The following AAGAB variants were observed in gnomAD, a reference collection of about 807,000 sequenced individuals.
AAGAB encodes alpha and gamma adaptin binding protein, also known as alpha- and gamma-adaptin-binding protein p34.
Under a neutral mutation model 44.1 loss-of-function variants are expected in AAGAB, and 38 were observed. The ratio of observed to expected loss-of-function variants is 0.86; its 90% CI spans 0.67 to 1.13. The LOEUF is 1.13. Ranked by LOEUF, AAGAB falls within the 50% of genes most tolerant of loss-of-function variation. The pLI, the probability that AAGAB is intolerant of heterozygous loss-of-function variation, is 0.00. For missense variants in AAGAB, 450 were observed against 373.8 expected (o/e 1.20, Z -1.68); for synonymous variants, 131 against 131.8 (o/e 0.99, Z 0.04).
intron 1 of AAGAB, among the ~76,000 whole-genome samples, chr15:67,249,277 A>G (rs1169536990): frequency 3.9e-5 from 6 of 152,246 alleles, no homozygotes; most frequent in African/African-American, 1.4e-4. Flanking sequence ...TCAGGTGATC[A>G]GCCCCCCTCG....
intron 1 of AAGAB, chr15:67,254,319 G>T (rs1369795291): frequency 1.7e-6 from 2 of 1,151,752 alleles, no homozygotes; most frequent in East Asian, 5.6e-5. Context: ...GAGCAGAGCG[G>T]GAAATCAGTC....
chr15:67,229,391 C>T (rs1418713168), intron 5 of AAGAB, among the ~76,000 whole-genome samples: 4 of 150,532 alleles, frequency 2.7e-5, no homozygotes, highest in Non-Finnish European at 4.4e-5. Context: ...CAAGATCGTG[C>T]CACTGCACTC....
intron 9 of AAGAB, among the ~76,000 whole-genome samples, chr15:67,203,103 A>G (rs930097110): frequency 6.6e-6 from 1 of 152,244 alleles, no homozygotes; most frequent in African/African-American, 2.4e-5. Flanking sequence ...AGAGTTGTAT[A>G]CAAAGATGAT....
chr15:67,210,430 C>T (rs1011606555), intron 5 of AAGAB, among the ~76,000 whole-genome samples: 2 of 151,502 alleles, frequency 1.3e-5, no homozygotes, highest in African/African-American at 2.4e-5. Flanking sequence ...GCAGGAGAAT[C>T]GCTTGAACCC....
chr15:67,238,448 T>C (rs761319572), intron 1 of AAGAB, among the ~76,000 whole-genome samples: 5 of 152,200 alleles, frequency 3.3e-5, no homozygotes, highest in Non-Finnish European at 5.9e-5. Flanking sequence ...GTTGTTTTCA[T>C]GTAAATGTCT....
chr15:67,254,618 A>T lies in AAGAB; in HGVS notation c.14T>A (p.Val5Glu). ...GCAGCTGGTGACTAACGCACAGGGT[A>T]CGCCAGCAGCCATAGCTGCGCTCGC... MAAG[V>E]PCALVTSCSS... The change falls in exon 1 of 10, where the codon GTA becomes GAA. Residue 5 changes from valine (V) to glutamate (E), a missense_variant. Physicochemically the swap from Val to Glu is moderately radical, Grantham distance 121 (BLOSUM62 -2). Transcript: ENST00000261880. The T allele has an allele frequency of 6.2e-7, 1 of 1,604,610 alleles. No individual in the cohort carries two copies. The highest frequency in any genetic ancestry group is 8.5e-7 in the Non-Finnish European group (1 of 1,177,614).
At chr15:67,222,242 G>GCGCGCGCGCA (rs1367738219) in intron 5 of AAGAB, among the ~76,000 whole-genome samples, 20 of 90,128 alleles carry the variant, frequency 2.2e-4, no homozygotes, top group African/African-American at 7.1e-4. Flanking sequence ...GCGCGCGCGC[G>GCGCGCGCGCA]CACACACACA....
rs1399396984 is a variant in AAGAB, at chr15:67,208,556, A to C, written c.715+6T>G. 6.2e-7 allele frequency: 1 copy of C among 1,612,992 alleles called. No individual in the cohort carries two copies. The highest frequency in any genetic ancestry group is 1.3e-5 in the African/African-American group (1 of 75,004). On this transcript the variant is annotated splice_donor_region_variant and intron_variant, in intron 7 of 9. Coordinates refer to ENST00000261880, the MANE Select transcript of AAGAB (RefSeq NM_024666.5). The stretch of plus-strand genomic sequence containing the variant: ...CTCTCTCTTGGCAGCCAAAGGAGGA[A>C]CTTACCCACAATGCTATCAACCTGG...
intron 5 of AAGAB, among the ~76,000 whole-genome samples, chr15:67,222,006 A>C (rs540765306): frequency 6.6e-6 from 1 of 151,978 alleles, no homozygotes; most frequent in African/African-American, 2.4e-5. Context: ...CTCAGTTCCT[A>C]TAGTACCTTA....
At chr15:67,218,079 T>C (rs997867547) in intron 5 of AAGAB, among the ~76,000 whole-genome samples, 34 of 152,210 alleles carry the variant, frequency 2.2e-4, no homozygotes, top group African/African-American at 7.5e-4. Flanking sequence ...CTATAATAGA[T>C]AGATTGAAAA....
intron 7 of AAGAB, among the ~76,000 whole-genome samples, chr15:67,205,067 C>T (rs574814827): frequency 8.5e-5 from 13 of 152,204 alleles, no homozygotes; most frequent in Non-Finnish European, 1.8e-4. Flanking sequence ...AGATTTATCA[C>T]CGTTATTTTA....
intron 5 of AAGAB, among the ~76,000 whole-genome samples, chr15:67,212,123 C>T (rs918812357): frequency 1.3e-5 from 2 of 152,248 alleles, no homozygotes; most frequent in Non-Finnish European, 1.5e-5. Flanking sequence ...CCTCGTGATG[C>T]GCCCGCCTTG....
intron 1 of AAGAB, among the ~76,000 whole-genome samples, chr15:67,244,252 C>T (rs1230537171): frequency 2.6e-5 from 4 of 152,108 alleles, no homozygotes; most frequent in African/African-American, 7.2e-5. Flanking sequence ...GCTAACAGAT[C>T]CAACGTCCCA....
intron 1 of AAGAB, among the ~76,000 whole-genome samples, chr15:67,248,816 A>G (rs867931849): frequency 2.0e-5 from 3 of 152,204 alleles, no homozygotes; most frequent in African/African-American, 7.2e-5. Context: ...CAGTTTCAGA[A>G]ACCTGAGGAC....
At chr15:67,207,557 T>A (rs1322917808) in intron 7 of AAGAB, among the ~76,000 whole-genome samples, 1 of 152,250 alleles carries the variant, frequency 6.6e-6, no homozygotes. Context: ...GTGTGGTGTA[T>A]AAAATATCTA....
At chr15:67,239,149 A>G (rs1434793401) in intron 1 of AAGAB, among the ~76,000 whole-genome samples, 1 of 152,152 alleles carries the variant, frequency 6.6e-6, no homozygotes, top group Non-Finnish European at 1.5e-5. Context: ...TCAGTTCTTG[A>G]TATTTCCTAA....
chr15:67,231,701 T>C, intron 5 of AAGAB, 113 bp downstream of exon 5: 3 of 849,842 alleles, frequency 3.5e-6, no homozygotes, highest in Non-Finnish European at 5.6e-6. Flanking sequence ...CGAACTGAAA[T>C]TGGAACAAAT....
At chr15:67,205,177 T>C (rs1308677480) in intron 7 of AAGAB, among the ~76,000 whole-genome samples, 2 of 152,228 alleles carry the variant, frequency 1.3e-5, no homozygotes, top group Non-Finnish European at 2.9e-5. Context: ...AGGACTCCAA[T>C]GACTATGACC....
intron 4 of AAGAB, chr15:67,232,775 C>T (rs533644907): frequency 3.1e-5 from 7 of 224,028 alleles, no homozygotes; most frequent in Admixed American, 1.7e-4. Flanking sequence ...AATGTAAGAA[C>T]GGCATGAAGA....
Sources: allele counts gnomAD v4.1 joint callset (sites outside exome capture counted in the v4.1 genomes callset), GRCh38; gene constraint gnomAD v4.1.1; transcripts MANE v1.5; gene names NCBI Gene and HGNC (gene_info 2026-07-23, HGNC 2026-07-21).